Variants in FAM117B observed in about 807,000 individuals in gnomAD.
The protein encoded by FAM117B is family with sequence similarity 117 member B.
FAM117B carries 22 observed loss-of-function variants against 52.8 expected under a neutral mutation model. The ratio of observed to expected loss-of-function variants is 0.42; its 90% confidence interval spans 0.30 to 0.59. FAM117B has a LOEUF of 0.59. Among genes scored for constraint, FAM117B ranks in the 20% least tolerant of loss-of-function variants. FAM117B has a pLI of 0.22. For synonymous variants in FAM117B, 309 were observed against 324.1 expected (o/e 0.95, Z 0.50); for missense variants, 678 against 802.6 (o/e 0.84, Z 1.88).
chr2:202,638,616 TA>T (rs1244278910), intron 1 of FAM117B, among the ~76,000 whole-genome samples: 1 of 152,186 alleles, frequency 6.6e-6, no homozygotes, highest in East Asian at 1.9e-4. Flanking sequence ...TAAAAACTCT[TA>T]TTTCTCAAAG....
chr2:202,755,475 C>T lies in FAM117B; in HGVS notation c.961-63C>T, dbSNP rs1339707288. The T allele has an allele frequency of 8.3e-6, 13 of 1,567,118 alleles. No individual in the cohort carries two copies. The African/African-American group carries it at 9.6e-5, about 12-fold the overall frequency. ...GAGTTACTTATGTCTGTTGGAATTACGCTTCAGCCTAGAAAATTAAAAGGT... is the reference window on the plus strand; with the variant it reads ...GAGTTACTTATGTCTGTTGGAATTATGCTTCAGCCTAGAAAATTAAAAGGT... On this transcript the variant is annotated intron_variant, in intron 4 of 7. Transcript: ENST00000392238.
intron 1 of FAM117B, among the ~76,000 whole-genome samples, chr2:202,646,119 C>T (rs545846026): frequency 4.6e-5 from 7 of 152,020 alleles, no homozygotes; most frequent in Admixed American, 1.3e-4. Flanking sequence ...CTTCGCCTCC[C>T]GGGTTCAAGC....
intron 2 of FAM117B, among the ~76,000 whole-genome samples, chr2:202,703,691 C>T (rs184466632): frequency 9.2e-5 from 14 of 152,266 alleles, no homozygotes; most frequent in Non-Finnish European, 1.9e-4. Context: ...TTCCATTTAT[C>T]AATATACCAC....
intron 7 of FAM117B, among the ~76,000 whole-genome samples, chr2:202,763,401 C>G (rs566847743): frequency 1.8e-4 from 27 of 152,206 alleles, no homozygotes; most frequent in Non-Finnish European, 3.4e-4. Context: ...AAGATAACCT[C>G]AAACAAATAA....
intron 2 of FAM117B, among the ~76,000 whole-genome samples, chr2:202,703,466 C>T (rs1574562385): frequency 6.6e-6 from 1 of 152,316 alleles, no homozygotes; most frequent in African/African-American, 2.4e-5. Context: ...GATGCCTCCC[C>T]TGCCCAGCCT....
At chr2:202,724,236 G>T (rs977332532) in intron 2 of FAM117B, among the ~76,000 whole-genome samples, 5 of 151,856 alleles carry the variant, frequency 3.3e-5, no homozygotes, top group African/African-American at 1.2e-4. Flanking sequence ...GTAGAGACAA[G>T]GTTTCACCAT....
At chr2:202,763,338 C>G (rs992100658) in intron 7 of FAM117B, among the ~76,000 whole-genome samples, 3 of 152,112 alleles carry the variant, frequency 2.0e-5, no homozygotes, top group Non-Finnish European at 4.4e-5. Flanking sequence ...TCCCAAAGTG[C>G]TGGGATTACA....
At position 202,768,067 on chromosome 2, in the gene FAM117B, G is replaced by A. The variant is rs1692009722; in HGVS notation, c.*2303G>A. The stretch of plus-strand genomic sequence containing the variant: ...AACTGAAATCAGAATGGGGGTAGAG[G>A]AAGTTAAAAACAAGTTATTTAAAAA... On this transcript the variant is annotated 3_prime_UTR_variant, in exon 8 of 8. Transcript: ENST00000392238. 1 of 145,346 alleles carries A rather than the reference G, an allele frequency of 6.9e-6. No individual in the cohort carries two copies. Among genetic ancestry groups the A allele is most frequent in the East Asian group, 2.1e-4 (1 of 4,802 alleles). The allele number at this position is 145,346 out of a possible 1,614,324, so 9.0% of individuals were successfully genotyped here. A position where few individuals can be genotyped will look rare whatever the true frequency, so the allele number is the denominator to read the frequency against.
Position 202,659,604 on chromosome 2 carries a change from C to CTTTTTTTTTTTT in FAM117B, c.601+23835_601+23846dup, listed in dbSNP as rs71030981. 3.2e-5 allele frequency among the ~76,000 whole-genome samples: 2 copies of CTTTTTTTTTTTT among 62,286 alleles called. 1 individual carries two copies. The highest frequency in any genetic ancestry group is 6.0e-5 in the Non-Finnish European group (2 of 33,500). 40.9% of individuals were successfully genotyped at this position (62,286 alleles called of 152,430 possible). A position where few individuals can be genotyped will look rare whatever the true frequency, so the allele number is the denominator to read the frequency against. ...GAGATTACAGACGTGAGCCACCGTG[C>CTTTTTTTTTTTT]TTTTTTTTTTTTTTTTTTTTTTTTT... On this transcript the variant is annotated intron_variant, in intron 1 of 7. Coordinates refer to ENST00000392238, the MANE Select transcript of FAM117B (RefSeq NM_173511.4).
At chr2:202,661,696 A>C (rs572113697) in intron 1 of FAM117B, among the ~76,000 whole-genome samples, 1 of 152,200 alleles carries the variant, frequency 6.6e-6, no homozygotes, top group East Asian at 1.9e-4. Flanking sequence ...CAGGCAGATC[A>C]CCTGAGGTCA....
At chr2:202,638,778 G>A (rs1406685837) in intron 1 of FAM117B, among the ~76,000 whole-genome samples, 3 of 152,020 alleles carry the variant, frequency 2.0e-5, no homozygotes, top group African/African-American at 4.8e-5. Context: ...CCTGTGTTCC[G>A]CCAACTAGAA....
chr2:202,719,815 C>T (rs1691121455), intron 2 of FAM117B, among the ~76,000 whole-genome samples: 3 of 152,166 alleles, frequency 2.0e-5, no homozygotes, highest in Admixed American at 2.0e-4. Context: ...AGAAGTTCCT[C>T]AGCCTGAGTT....
Position 202,765,711 on chromosome 2 carries a change from C to G in FAM117B, c.1717C>G (p.Pro573Ala). 6.2e-7 allele frequency: 1 copy of G among 1,614,108 alleles called. No individual in the cohort carries two copies. Among genetic ancestry groups the G allele is most frequent in the Non-Finnish European group, 8.5e-7 (1 of 1,180,014 alleles). ...CTCTCGAGGAACAAGTACAGTCATG[C>G]CATCAGCTTCTCTACTCCCACCACC... The part of the protein sequence containing the change: ...RVSRGTSTVM[P>A]SASLLPPPEP... Residue 573 changes from proline to alanine, a missense_variant, in exon 8 of 8, where the codon CCA becomes GCA. Pro to Ala is a conservative substitution (Grantham distance 27). Transcript: ENST00000392238.
chr2:202,646,158 C>T (rs962381732), intron 1 of FAM117B, among the ~76,000 whole-genome samples: 2 of 151,818 alleles, frequency 1.3e-5, no homozygotes, highest in African/African-American at 4.8e-5. Flanking sequence ...CCCTGAGTAG[C>T]TGCGACTACA....
intron 1 of FAM117B, among the ~76,000 whole-genome samples, chr2:202,671,065 G>A (rs1690290623): frequency 6.6e-6 from 1 of 152,148 alleles, no homozygotes. Flanking sequence ...TATCCAAAGA[G>A]CCAGACAAAT....
chr2:202,648,293 T>C (rs1167595650), intron 1 of FAM117B, among the ~76,000 whole-genome samples: 1 of 151,632 alleles, frequency 6.6e-6, no homozygotes, highest in Non-Finnish European at 1.5e-5. Context: ...GTAGATTGCC[T>C]GAGCTCAGAA....
intron 2 of FAM117B, among the ~76,000 whole-genome samples, chr2:202,715,245 C>T (rs1260719174): frequency 1.8e-4 from 27 of 150,078 alleles, no homozygotes; most frequent in East Asian, 3.9e-4. Flanking sequence ...GGCGGCTGGC[C>T]GGGCGGGGGC....
rs1692039151 is a variant in FAM117B, at chr2:202,769,544, CTCT to C, written c.*3783_*3785del. 1 of 152,424 alleles carries C rather than the reference CTCT, an allele frequency of 6.6e-6. No individual in the cohort carries two copies. Among genetic ancestry groups the C allele is most frequent in the Admixed American group, 6.6e-5 (1 of 15,250 alleles). The allele number at this position is 152,424 out of a possible 1,614,324, so 9.4% of individuals were successfully genotyped here. ...TTGTTTAAGAATAGAATTTTTTTAACTCTTCATTTTTTGTCTCTGTGGAAGCTG... is the reference window on the plus strand; with the variant it reads ...TTGTTTAAGAATAGAATTTTTTTAACTCATTTTTTGTCTCTGTGGAAGCTG... On this transcript the variant is annotated 3_prime_UTR_variant, in exon 8 of 8. Coordinates refer to ENST00000392238, the MANE Select transcript of FAM117B (RefSeq NM_173511.4).
chr2:202,756,905 T>G (rs554493476), intron 5 of FAM117B, among the ~76,000 whole-genome samples: 1 of 152,276 alleles, frequency 6.6e-6, no homozygotes, highest in African/African-American at 2.4e-5. Context: ...TTCATGGCCC[T>G]CATTTATAAT....
Sources: allele counts gnomAD v4.1 joint callset (sites outside exome capture counted in the v4.1 genomes callset), GRCh38; gene constraint gnomAD v4.1.1; transcripts MANE v1.5; gene names NCBI Gene and HGNC (gene_info 2026-07-23, HGNC 2026-07-21).